Variants in USH2A observed in about 807,000 individuals in gnomAD.
USH2A encodes the protein usherin, also known as Usher syndrome 2A (autosomal recessive, mild).
In USH2A, 443 loss-of-function variants were observed where a neutral mutation model predicts 538.9. That is an observed-to-expected ratio of 0.82 (90% CI 0.76 to 0.89). The LOEUF is 0.89. Among genes scored for constraint, USH2A ranks in the 40% least tolerant of loss-of-function variants. The pLI, the probability that USH2A is intolerant of heterozygous loss-of-function variation, is 0.00. For missense variants in USH2A, 6,633 were observed against 6,324.8 expected, an observed-to-expected ratio of 1.05 and a Z score of -1.65; for synonymous variants, 2,413 against 2,273.5, an observed-to-expected ratio of 1.06 and a Z score of -1.75.
At chr1:215,974,976 T>A (rs1667588172) in intron 35 of USH2A, among the ~76,000 whole-genome samples, 1 of 152,088 alleles carries the variant, frequency 6.6e-6, no homozygotes, top group African/African-American at 2.4e-5. Context: ...CATTCAACCC[T>A]TTTCTTTGCA....
chr1:215,789,943 A>C, intron 51 of USH2A, 116 bp downstream of exon 51: 1 of 956,376 alleles, frequency 1.0e-6, no homozygotes, highest in Non-Finnish European at 1.6e-6. Flanking sequence ...TGTAATGTGA[A>C]AATGAATAAT....
chr1:215,839,296 G>A (rs1169991238), intron 46 of USH2A, among the ~76,000 whole-genome samples: 1 of 152,154 alleles, frequency 6.6e-6, no homozygotes, highest in East Asian at 1.9e-4. Flanking sequence ...GATACATAAT[G>A]AGATAACCCA....
intron 4 of USH2A, among the ~76,000 whole-genome samples, chr1:216,331,228 T>C (rs2102664520): frequency 6.6e-6 from 1 of 152,236 alleles, no homozygotes; most frequent in South Asian, 2.1e-4. Context: ...TTTTACTTAT[T>C]CCTTTGCTAC....
intron 60 of USH2A, among the ~76,000 whole-genome samples, chr1:215,735,689 A>T (rs1660135846): frequency 6.6e-6 from 1 of 150,940 alleles, no homozygotes; most frequent in African/African-American, 2.5e-5. Flanking sequence ...CATTCCAGAC[A>T]TTTTTTTATA....
At chr1:215,779,564 T>C (rs945092441) in intron 55 of USH2A, among the ~76,000 whole-genome samples, 1 of 152,152 alleles carries the variant, frequency 6.6e-6, no homozygotes, top group Non-Finnish European at 1.5e-5. Context: ...TCTTACTGTT[T>C]GTTTGAAAAA....
rs59691309 is a variant in USH2A at position 216,040,048 on chromosome 1, T to TACAC, written c.6325+6379_6325+6382dup. On this transcript the variant is annotated intron_variant, in intron 32 of 71. Transcript: ENST00000307340. ...TCTCTTTATTTTTCTGTCTCTCAAT[T>TACAC]ACACACACACACACACACACACACA... 4.9e-3 allele frequency among the ~76,000 whole-genome samples: 713 copies of TACAC among 146,312 alleles called. 7 individuals carry two copies. Among genetic ancestry groups the TACAC allele is most frequent in the African/African-American group, 0.011 (445 of 39,964 alleles).
chr1:215,858,198 C>G (rs1380272244), intron 44 of USH2A, among the ~76,000 whole-genome samples: 1 of 151,940 alleles, frequency 6.6e-6, no homozygotes, highest in African/African-American at 2.4e-5. Context: ...TATTCTAATC[C>G]TATTATGTAT....
intron 20 of USH2A, among the ~76,000 whole-genome samples, chr1:216,176,296 CATA>C (rs567112726): frequency 9.2e-5 from 14 of 152,078 alleles, no homozygotes; most frequent in African/African-American, 3.4e-4. Context: ...TATGCACAGG[CATA>C]ATGATAGCTC....
At chr1:215,651,034 G>T (rs973438825) in intron 64 of USH2A, among the ~76,000 whole-genome samples, 1 of 152,034 alleles carries the variant, frequency 6.6e-6, no homozygotes, top group African/African-American at 2.4e-5. Flanking sequence ...TGAACACAAA[G>T]GGGGCCGTTT....
At chr1:216,300,065 A>G (rs1437939174) in intron 9 of USH2A, among the ~76,000 whole-genome samples, 1 of 152,200 alleles carries the variant, frequency 6.6e-6, no homozygotes, top group Non-Finnish European at 1.5e-5. Flanking sequence ...TCTTGGTCCC[A>G]TAATTGGTTC....
Position 215,624,505 on chromosome 1 carries a change from T to G in USH2A, c.*1276A>C, listed in dbSNP as rs1655925409. 6.6e-6 allele frequency: 1 copy of G among 152,166 alleles called. No individual in the cohort carries two copies. The highest frequency in any genetic ancestry group is 1.5e-5 in the Non-Finnish European group (1 of 68,026). 9.4% of individuals were successfully genotyped at this position (152,166 alleles called of 1,614,324 possible). A position where few individuals can be genotyped will look rare whatever the true frequency, so the allele number is the denominator to read the frequency against. On this transcript the variant is annotated 3_prime_UTR_variant, in exon 72 of 72. Coordinates refer to ENST00000307340, the MANE Select transcript of USH2A (RefSeq NM_206933.4). ...ATATTTTCCTGGGGTCACAAAGACC[T>G]TTAAGGATGAAGGAAGACAAGAGGT...
At chr1:215,768,813 T>A (rs976373171) in intron 55 of USH2A, among the ~76,000 whole-genome samples, 1 of 152,188 alleles carries the variant, frequency 6.6e-6, no homozygotes, top group Admixed American at 6.5e-5. Context: ...TACCTGAATA[T>A]CTTATTTTCC....
rs1414259659 is a variant in USH2A at position 215,648,537 on chromosome 1, A to T, written c.14573T>A (p.Val4858Asp). The T allele has an allele frequency of 2.5e-6, 4 of 1,614,156 alleles. No homozygotes were observed. Among genetic ancestry groups the T allele is most frequent in the Admixed American group, 3.3e-5 (2 of 60,016 alleles). The change falls in exon 66 of 72, where the codon GTC becomes GAC. Residue 4858 changes from valine (V) to aspartate (D), a missense_variant. By Grantham distance (152) the Val-to-Asp change is radical. Coordinates refer to ENST00000307340, the MANE Select transcript of USH2A (RefSeq NM_206933.4). The part of the protein sequence containing the change: ...RWSPPMFPNG[V>D]IHSYELQFHV... The stretch of plus-strand genomic sequence containing the variant: ...CTGCCTGACCCATTACCTGTGAATG[A>T]CACCATTGGGGAACATGGGGGGACT...
At chr1:215,983,084 G>C (rs1158301697) in intron 35 of USH2A, among the ~76,000 whole-genome samples, 1 of 152,146 alleles carries the variant, frequency 6.6e-6, no homozygotes, top group Non-Finnish European at 1.5e-5. Context: ...CAGAGTAGCT[G>C]GGATTACAGG....
intron 9 of USH2A, among the ~76,000 whole-genome samples, chr1:216,295,220 AAT>A (rs2037081136): frequency 6.6e-6 from 1 of 151,838 alleles, no homozygotes; most frequent in Admixed American, 6.6e-5. Context: ...AAAATAAAAA[AAT>A]ATTGTCAATT....
At chr1:216,086,851 C>A in intron 23 of USH2A, 31 bp from the exon 24 acceptor site, 2 of 1,517,366 alleles carry the variant, frequency 1.3e-6, no homozygotes, top group Non-Finnish European at 1.8e-6. Context: ...AATACACCTT[C>A]ACCAGGATAC....
At chr1:215,963,949 G>A (rs1022571889) in intron 37 of USH2A, among the ~76,000 whole-genome samples, 19 of 152,082 alleles carry the variant, frequency 1.2e-4, no homozygotes, top group Non-Finnish European at 2.2e-4. Context: ...AAATTCTGCC[G>A]AGAACAGAAT....
intron 32 of USH2A, among the ~76,000 whole-genome samples, chr1:216,037,780 C>A (rs1168163359): frequency 1.3e-5 from 2 of 150,410 alleles, no homozygotes; most frequent in African/African-American, 4.9e-5. Context: ...TATTTCATCA[C>A]CCAGGTATTA....
At chr1:216,267,396 A>T (rs2036493810) in intron 11 of USH2A, among the ~76,000 whole-genome samples, 1 of 152,148 alleles carries the variant, frequency 6.6e-6, no homozygotes, top group Non-Finnish European at 1.5e-5. Flanking sequence ...GCATGAGCCT[A>T]GACAAGTCTT....
Sources: gnomAD v4.1 joint callset for allele counts (sites outside exome capture counted in the v4.1 genomes callset) on GRCh38, gnomAD v4.1.1 for gene constraint, MANE v1.5 for transcripts, NCBI Gene and HGNC (gene_info 2026-07-23, HGNC 2026-07-21) for gene names.